The following SLCO4C1 variants were observed in gnomAD, a reference collection of about 807,000 sequenced individuals.
SLCO4C1 encodes organic anion transporter M1.
A neutral mutation model predicts 72.1 loss-of-function variants in SLCO4C1; 58 were observed. That is an observed-to-expected ratio of 0.80 (90% CI 0.65 to 1.00). The LOEUF (loss-of-function observed/expected upper bound fraction) is 1.00, where lower values mean the gene tolerates loss of function less well. SLCO4C1 is among the 50% of genes least tolerant of loss of function. The pLI is 0.00. For synonymous variants in SLCO4C1, 297 were observed against 312.5 expected (o/e 0.95, Z 0.52); for missense variants, 898 against 857.9 (o/e 1.05, Z -0.58).
chr5:102,266,554 G>T (rs1218204046), intron 3 of SLCO4C1, among the ~76,000 whole-genome samples: 1 of 152,094 alleles, frequency 6.6e-6, no homozygotes, highest in Non-Finnish European at 1.5e-5. Context: ...GGAGGCTGAG[G>T]CAGGAGAATC....
chr5:102,293,946 T>C (rs1009165268), intron 1 of SLCO4C1, among the ~76,000 whole-genome samples: 5 of 152,140 alleles, frequency 3.3e-5, no homozygotes, highest in Non-Finnish European at 7.4e-5. Flanking sequence ...TTTCCCTCTG[T>C]TGCCTAGGCC....
intron 10 of SLCO4C1, among the ~76,000 whole-genome samples, chr5:102,246,128 A>G (rs774656333): frequency 1.4e-4 from 21 of 151,966 alleles, no homozygotes; most frequent in Non-Finnish European, 3.1e-4. Context: ...AGAATTAGAA[A>G]AACAAGAAGA....
chr5:102,283,983 G>A (rs113851891), intron 2 of SLCO4C1, among the ~76,000 whole-genome samples: 7 of 152,142 alleles, frequency 4.6e-5, no homozygotes, highest in African/African-American at 1.7e-4. Flanking sequence ...TTCTGAATAT[G>A]CTTCTCATTT....
chr5:102,273,344 G>A (rs1156699228), intron 2 of SLCO4C1, among the ~76,000 whole-genome samples: 1 of 152,016 alleles, frequency 6.6e-6, no homozygotes, highest in Non-Finnish European at 1.5e-5. Context: ...AAAAAGATAT[G>A]GAGAATCCCA....
intron 5 of SLCO4C1, among the ~76,000 whole-genome samples, chr5:102,260,885 G>A (rs560307342): frequency 1.3e-5 from 2 of 151,982 alleles, no homozygotes; most frequent in African/African-American, 2.4e-5. Context: ...AATGGCTCAG[G>A]GTAGAAAGAA....
At chr5:102,247,720 A>G (rs1404925635) in intron 9 of SLCO4C1, among the ~76,000 whole-genome samples, 1 of 152,136 alleles carries the variant, frequency 6.6e-6, no homozygotes, top group Non-Finnish European at 1.5e-5. Flanking sequence ...ATGGGAATAT[A>G]AGTTACATGA....
chr5:102,238,651 T>C (rs896119310), intron 12 of SLCO4C1, among the ~76,000 whole-genome samples: 2 of 152,196 alleles, frequency 1.3e-5, no homozygotes, highest in Non-Finnish European at 2.9e-5. Context: ...TAGGTTATTA[T>C]TCAAATTTTA....
At chr5:102,238,265 C>G (rs1205246581) in intron 12 of SLCO4C1, among the ~76,000 whole-genome samples, 1 of 151,852 alleles carries the variant, frequency 6.6e-6, no homozygotes, top group Non-Finnish European at 1.5e-5. Context: ...AAAGTACAAA[C>G]AAAATGAATT....
chr5:102,285,281 T>TATA (rs1375348017), intron 2 of SLCO4C1, among the ~76,000 whole-genome samples: 1 of 151,304 alleles, frequency 6.6e-6, no homozygotes, highest in African/African-American at 2.4e-5. Context: ...ACATATATAT[T>TATA]TTTTTTTGTT....
At chr5:102,247,769 C>G (rs1300575160) in intron 9 of SLCO4C1, among the ~76,000 whole-genome samples, 1 of 152,064 alleles carries the variant, frequency 6.6e-6, no homozygotes, top group Non-Finnish European at 1.5e-5. Context: ...GTAATTATTT[C>G]TTAAAGTCAT....
chr5:102,267,872 T>C (rs1308659859), intron 3 of SLCO4C1, among the ~76,000 whole-genome samples: 1 of 152,120 alleles, frequency 6.6e-6, no homozygotes, highest in Non-Finnish European at 1.5e-5. Context: ...AGCAGCATGA[T>C]GATTAATTTT....
chr5:102,245,110 T>C (rs189412375), intron 10 of SLCO4C1, among the ~76,000 whole-genome samples: 2 of 152,262 alleles, frequency 1.3e-5, no homozygotes, highest in Non-Finnish European at 2.9e-5. Context: ...CAATAAGATA[T>C]ACATAGAAAC....
At chr5:102,260,181 T>TTA in intron 6 of SLCO4C1, 32 bp downstream of exon 6, 3 of 690,160 alleles carry the variant, frequency 4.3e-6, no homozygotes, top group South Asian at 9.3e-5. Flanking sequence ...TGTATGAGAC[T>TTA]GAGAGAGAGA....
intron 12 of SLCO4C1, 59 bp downstream of exon 12, chr5:102,239,192 G>A: frequency 1.5e-6 from 2 of 1,352,868 alleles, no homozygotes; most frequent in Non-Finnish European, 2.0e-6. Flanking sequence ...CCAACAATGA[G>A]ATTTTTTTTT....
At chr5:102,272,587 C>G (rs537698496) in intron 2 of SLCO4C1, among the ~76,000 whole-genome samples, 13 of 152,178 alleles carry the variant, frequency 8.5e-5, no homozygotes, top group African/African-American at 3.1e-4. Context: ...TACTATATTG[C>G]CATACTTAAA....
chr5:102,236,967 A>G lies in SLCO4C1; in HGVS notation c.2066T>C (p.Leu689Ser), dbSNP rs200008336. The change falls in exon 13 of 13, where the codon TTG becomes TCG. Residue 689 changes from leucine (L) to serine (S), a missense_variant. Physicochemically the swap from Leu to Ser is moderately radical, Grantham distance 145. Coordinates refer to ENST00000310954, the MANE Select transcript of SLCO4C1 (RefSeq NM_180991.5). ...TMFFNGFAIF[L>S]YKPPPSATDV... ...TGTGGCTGATGGAGGTGGTTTATAC[A>G]AAAAGATTGCAAATCCATTGAAGAA... The G allele has an allele frequency of 2.5e-6, 4 of 1,612,014 alleles. No homozygotes were observed. In the African/African-American group the frequency reaches 5.3e-5, roughly 21 times the overall value.
In SLCO4C1 at chr5:102,263,966, C is replaced by T. The variant is rs913626886; in HGVS notation, c.803-186G>A. 1.6e-4 allele frequency among the ~76,000 whole-genome samples: 25 copies of T among 152,178 alleles called. No individual in the cohort carries two copies. In the Middle Eastern group the frequency reaches 0.01, roughly 62 times the overall value. On this transcript the variant is annotated intron_variant, in intron 3 of 12. Coordinates refer to ENST00000310954, the MANE Select transcript of SLCO4C1 (RefSeq NM_180991.5). ...AAGTCAAAAATCCTAAAACACATAACTCAATATAAAAGCTATTTGTAGTAA... is the reference window on the plus strand; with the variant it reads ...AAGTCAAAAATCCTAAAACACATAATTCAATATAAAAGCTATTTGTAGTAA...
At chr5:102,279,334 T>C (rs1418273503) in intron 2 of SLCO4C1, among the ~76,000 whole-genome samples, 2 of 152,016 alleles carry the variant, frequency 1.3e-5, no homozygotes, top group Non-Finnish European at 2.9e-5. Context: ...GTTTTTGCCA[T>C]TAAAAGTAAT....
intron 11 of SLCO4C1, 105 bp downstream of exon 11, chr5:102,240,613 C>T (rs949860041): frequency 2.5e-6 from 2 of 812,358 alleles, no homozygotes; most frequent in Non-Finnish European, 4.1e-6. Flanking sequence ...ATGATGTAGC[C>T]TTCCACTATA....
Sources: gnomAD v4.1 joint callset for allele counts (sites outside exome capture counted in the v4.1 genomes callset) on GRCh38, gnomAD v4.1.1 for gene constraint, MANE v1.5 for transcripts, NCBI Gene and HGNC (gene_info 2026-07-23, HGNC 2026-07-21) for gene names.